The following SCEL variants were observed in gnomAD, a reference collection of about 807,000 sequenced individuals.
The protein encoded by SCEL is sciellin.
A neutral mutation model predicts 117.6 loss-of-function variants in SCEL; 113 were observed. The ratio of observed to expected loss-of-function variants is 0.96; its 90% CI spans 0.83 to 1.12. The LOEUF is 1.12. SCEL is among the 50% of genes most tolerant of loss of function. The pLI is 0.00. For missense variants in SCEL, 785 were observed against 810.8 expected, an observed-to-expected ratio of 0.97 and a Z score of 0.39; for synonymous variants, 270 against 256.2, an observed-to-expected ratio of 1.05 and a Z score of -0.51.
intron 9 of SCEL, among the ~76,000 whole-genome samples, chr13:77,579,913 G>A (rs1335072725): frequency 6.6e-6 from 1 of 152,186 alleles, no homozygotes; most frequent in African/African-American, 2.4e-5. Context: ...GTATGTGAGT[G>A]TATTTGTATG....
intron 3 of SCEL, 47 bp downstream of exon 3, chr13:77,556,760 G>T (rs891632841): frequency 7.8e-7 from 1 of 1,280,200 alleles, no homozygotes; most frequent in Non-Finnish European, 1.1e-6. Context: ...GCAGAGAGAG[G>T]CATTATCTGT....
At chr13:77,547,915 C>T (rs984436782) in intron 1 of SCEL, among the ~76,000 whole-genome samples, 5 of 152,182 alleles carry the variant, frequency 3.3e-5, no homozygotes, top group Admixed American at 1.3e-4. Context: ...TCCCTAGGAA[C>T]AGTTTCCAGT....
intron 12 of SCEL, among the ~76,000 whole-genome samples, chr13:77,596,342 A>G (rs200133875): frequency 2.0e-5 from 3 of 151,882 alleles, no homozygotes; most frequent in South Asian, 2.1e-4. Context: ...TTAAAAAAAA[A>G]AAAGTATAGC....
intron 1 of SCEL, among the ~76,000 whole-genome samples, chr13:77,540,212 C>T (rs1468504710): frequency 6.6e-6 from 1 of 152,016 alleles, no homozygotes; most frequent in East Asian, 1.9e-4. Flanking sequence ...TTTAGTTAAC[C>T]TCATGTTTGT....
At chr13:77,589,429 T>G (rs2086746402) in intron 10 of SCEL, among the ~76,000 whole-genome samples, 2 of 152,318 alleles carry the variant, frequency 1.3e-5, no homozygotes, top group South Asian at 4.1e-4. Context: ...TAACTTGTCT[T>G]AAGAAAATAT....
chr13:77,598,137 T>C (rs561521788), intron 13 of SCEL, among the ~76,000 whole-genome samples: 93 of 152,260 alleles, frequency 6.1e-4, no homozygotes, highest in African/African-American at 2.0e-3. Context: ...AATTTTTAAT[T>C]TTTTGTAGAG....
intron 28 of SCEL, among the ~76,000 whole-genome samples, chr13:77,630,354 T>A (rs1398456542): frequency 6.6e-6 from 1 of 152,168 alleles, no homozygotes; most frequent in Non-Finnish European, 1.5e-5. Flanking sequence ...ATTTCACAGA[T>A]TTTAAGAACT....
chr13:77,563,920 A>G (rs1346732941), intron 5 of SCEL, 21 bp downstream of exon 5: 2 of 1,446,334 alleles, frequency 1.4e-6, no homozygotes, highest in Non-Finnish European at 1.9e-6. Flanking sequence ...TTTGAACCAT[A>G]TAAATGGAAT....
chr13:77,595,279 A>G (rs2087155832), intron 12 of SCEL, among the ~76,000 whole-genome samples: 1 of 152,152 alleles, frequency 6.6e-6, no homozygotes. Flanking sequence ...GTCATCATAG[A>G]GTATTGTTTC....
rs189896259 is a variant in SCEL at position 77,561,037 on chromosome 13, A to G, written c.221+1174A>G. 4.1e-3 allele frequency among the ~76,000 whole-genome samples: 628 copies of G among 152,236 alleles called. 3 individuals carry two copies. Among genetic ancestry groups the G allele is most frequent in the Non-Finnish European group, 6.5e-3 (445 of 68,026 alleles). The stretch of plus-strand genomic sequence containing the variant: ...ATTTCATTTTCCTGATGCCAGCTTT[A>G]GTTCATCTGATTTACTGTTCTGTGA... On this transcript the variant is annotated intron_variant, in intron 4 of 32. Transcript: ENST00000349847.
intron 1 of SCEL, among the ~76,000 whole-genome samples, chr13:77,550,109 G>C (rs1409624600): frequency 6.6e-6 from 1 of 151,586 alleles, no homozygotes; most frequent in Non-Finnish European, 1.5e-5. Flanking sequence ...TTCACAGCTG[G>C]GTGTGGTGGC....
At chr13:77,637,363 T>TATATAA (rs2090346208) in intron 30 of SCEL, among the ~76,000 whole-genome samples, 169 bp downstream of exon 30, 1 of 142,532 alleles carries the variant, frequency 7.0e-6, no homozygotes, top group African/African-American at 2.5e-5. Context: ...TAAACATATA[T>TATATAA]ACATATATAA....
At chr13:77,633,815 C>T (rs950895721) in intron 28 of SCEL, among the ~76,000 whole-genome samples, 1 of 152,214 alleles carries the variant, frequency 6.6e-6, no homozygotes, top group African/African-American at 2.4e-5. Flanking sequence ...CCTGCATAAA[C>T]AGCTTTACAC....
chr13:77,603,510 G>T (rs1229076579), intron 18 of SCEL, among the ~76,000 whole-genome samples: 1 of 152,066 alleles, frequency 6.6e-6, no homozygotes, highest in Non-Finnish European at 1.5e-5. Flanking sequence ...CTCCTCTAAG[G>T]GTGGTGGTCT....
chr13:77,546,979 CTTCAAT>C lies in SCEL; in HGVS notation c.-19-8876_-19-8871del, dbSNP rs1215148800. ...GACATATTCTTCCCAGGGACTTCCA[CTTCAAT>C]TGTAATAGTCAGAACTACAAATGTG... On this transcript the variant is annotated intron_variant, in intron 1 of 32. Transcript: ENST00000349847. Among the ~76,000 whole-genome samples, 3 of 152,316 alleles carry C rather than the reference CTTCAAT, an allele frequency of 2.0e-5. No homozygotes were observed. In the East Asian group the frequency reaches 5.8e-4, roughly 29 times the overall value.
At chr13:77,602,759 TATTA>T in intron 17 of SCEL, 46 bp downstream of exon 17, 1 of 1,533,156 alleles carries the variant, frequency 6.5e-7, no homozygotes, top group Non-Finnish European at 9.0e-7. Context: ...TTTTCTCTCA[TATTA>T]ATTATGTGAT....
At position 77,640,791 on chromosome 13, in the gene SCEL, A is replaced by T. The variant is rs2090523045; in HGVS notation, c.1947+7A>T. ...CCATTCTACTTGCTTTAAGGTAAGG[A>T]TGTGTTTATTTCACTTAATTAAATA... On this transcript the variant is annotated splice_region_variant and intron_variant, in intron 31 of 32. Transcript: ENST00000349847. 1.5e-6 allele frequency: 2 copies of T among 1,349,958 alleles called. No homozygotes were observed. The highest frequency in any genetic ancestry group is 2.1e-6 in the Non-Finnish European group (2 of 951,160). The allele number at this position is 1,349,958 out of a possible 1,614,324, so 83.6% of individuals were successfully genotyped here. A position where few individuals can be genotyped will look rare whatever the true frequency, so the allele number is the denominator to read the frequency against.
intron 1 of SCEL, among the ~76,000 whole-genome samples, chr13:77,544,991 C>G (rs891351800): frequency 6.6e-6 from 1 of 152,200 alleles, no homozygotes; most frequent in Admixed American, 6.5e-5. Flanking sequence ...TTTTCCCTCT[C>G]TCCTCAGACT....
At chr13:77,579,497 C>T (rs1489427543) in intron 9 of SCEL, among the ~76,000 whole-genome samples, 1 of 152,188 alleles carries the variant, frequency 6.6e-6, no homozygotes, top group African/African-American at 2.4e-5. Context: ...CTCTTCCTCT[C>T]TGTGTTTCTC....
Sources: gnomAD v4.1 joint callset for allele counts (sites outside exome capture counted in the v4.1 genomes callset) on GRCh38, gnomAD v4.1.1 for gene constraint, MANE v1.5 for transcripts, NCBI Gene and HGNC (gene_info 2026-07-23, HGNC 2026-07-21) for gene names.